DLGAP1: variants seen among roughly 807,000 people sequenced by gnomAD.
DLGAP1 encodes DLG associated protein 1, also known as disks large-associated protein 1.
DLGAP1 carries 11 observed loss-of-function variants against 90.8 expected under a neutral mutation model. That is an observed-to-expected ratio of 0.12 (90% confidence interval 0.08 to 0.20). The LOEUF is 0.20. Ranked by LOEUF, DLGAP1 falls within the 10% of genes least tolerant of loss-of-function variation. The pLI, the probability that DLGAP1 is intolerant of heterozygous loss-of-function variation, is 1.00. For missense variants in DLGAP1, 1,050 were observed against 1,333.8 expected (o/e 0.79, Z 3.31); for synonymous variants, 558 against 540.7 (o/e 1.03, Z -0.44).
chr18:4,407,347 A>G (rs1415231720), intron 1 of DLGAP1, among the ~76,000 whole-genome samples: 2 of 152,214 alleles, frequency 1.3e-5, no homozygotes, highest in East Asian at 3.8e-4. Flanking sequence ...GGTAAATTAA[A>G]TAAGTTCTAG....
chr18:4,344,715 T>C (rs2081271004), intron 1 of DLGAP1, among the ~76,000 whole-genome samples: 1 of 152,200 alleles, frequency 6.6e-6, no homozygotes, highest in Non-Finnish European at 1.5e-5. Flanking sequence ...CCAAGAGTCA[T>C]GGCCAAAAGG....
intron 2 of DLGAP1, among the ~76,000 whole-genome samples, chr18:4,036,128 T>C (rs2074885031): frequency 6.6e-6 from 1 of 152,164 alleles, no homozygotes; most frequent in Non-Finnish European, 1.5e-5. Flanking sequence ...TATGACAGCT[T>C]TTAATGATGT....
chr18:3,860,098 C>CAAAAAAAAAAAAAAAA (rs1169488386), intron 4 of DLGAP1, among the ~76,000 whole-genome samples: 2 of 104,962 alleles, frequency 1.9e-5, no homozygotes, highest in Non-Finnish European at 4.0e-5. Context: ...GACTCTGTCT[C>CAAAAAAAAAAAAAAAA]AAAAAATAAA....
chr18:4,055,764 T>A (rs553696699), intron 2 of DLGAP1, among the ~76,000 whole-genome samples: 1 of 152,136 alleles, frequency 6.6e-6, no homozygotes, highest in Admixed American at 6.5e-5. Context: ...GAGATGTGTG[T>A]GGGCCACCCC....
rs1378330205 is a variant in DLGAP1 at position 4,162,356 on chromosome 18, C to A, written c.-266-11069G>T. 2.6e-5 allele frequency among the ~76,000 whole-genome samples: 4 copies of A among 152,120 alleles called. 1 individual carries two copies. The highest frequency in any genetic ancestry group is 9.7e-5 in the African/African-American group (4 of 41,410). On this transcript the variant is annotated intron_variant, in intron 1 of 12. Transcript: ENST00000315677. ...CAATGGAGAGATGATAAGATAGGGTCTCTCTGCTCTCAAGGAGCTTAAGGA... is the reference window on the plus strand; with the variant it reads ...CAATGGAGAGATGATAAGATAGGGTATCTCTGCTCTCAAGGAGCTTAAGGA...
chr18:4,252,804 C>T (rs574584999), intron 1 of DLGAP1, among the ~76,000 whole-genome samples: 33 of 152,226 alleles, frequency 2.2e-4, no homozygotes, highest in South Asian at 4.1e-4. Context: ...TTTATCGCCA[C>T]AGAGCTGAAC....
intron 1 of DLGAP1, among the ~76,000 whole-genome samples, chr18:4,372,482 A>T (rs368670101): frequency 5.3e-5 from 8 of 152,358 alleles, no homozygotes; most frequent in African/African-American, 1.9e-4. Flanking sequence ...CACAGCATGT[A>T]AAGAGGAATA....
chr18:4,061,448 T>C (rs1568375279), intron 2 of DLGAP1, among the ~76,000 whole-genome samples: 3 of 152,178 alleles, frequency 2.0e-5, no homozygotes, highest in Non-Finnish European at 4.4e-5. Flanking sequence ...TACCCATAAA[T>C]TGAACATTGG....
At chr18:3,917,633 A>C (rs948285021) in intron 3 of DLGAP1, among the ~76,000 whole-genome samples, 1 of 152,230 alleles carries the variant, frequency 6.6e-6, no homozygotes, top group Non-Finnish European at 1.5e-5. Flanking sequence ...GCTCTATTCA[A>C]CCATCATTTG....
intron 5 of DLGAP1, among the ~76,000 whole-genome samples, chr18:3,789,467 T>C (rs1231645081): frequency 1.3e-5 from 2 of 152,090 alleles, no homozygotes; most frequent in Non-Finnish European, 2.9e-5. Flanking sequence ...AAGCAGATAA[T>C]AGATGAATCT....
chr18:3,758,421 A>G (rs1256988030), intron 5 of DLGAP1, among the ~76,000 whole-genome samples: 1 of 152,210 alleles, frequency 6.6e-6, no homozygotes, highest in Non-Finnish European at 1.5e-5. Flanking sequence ...TTCAGTTTAC[A>G]GTGAATCTCT....
chr18:4,318,288 A>G (rs943836119), intron 1 of DLGAP1, among the ~76,000 whole-genome samples: 2 of 152,222 alleles, frequency 1.3e-5, no homozygotes. Flanking sequence ...CATAGCTTGA[A>G]AGAAAATTCA....
intron 5 of DLGAP1, among the ~76,000 whole-genome samples, chr18:3,750,471 T>G (rs1342476180): frequency 6.6e-6 from 1 of 152,190 alleles, no homozygotes; most frequent in Non-Finnish European, 1.5e-5. Flanking sequence ...TTATTTTCCT[T>G]TGGATATCTA....
At chr18:3,688,688 A>C (rs893823517) in intron 7 of DLGAP1, among the ~76,000 whole-genome samples, 1 of 150,618 alleles carries the variant, frequency 6.6e-6, no homozygotes, top group Non-Finnish European at 1.5e-5. Flanking sequence ...AATAAGAAAC[A>C]AAACTTGAAG....
intron 7 of DLGAP1, among the ~76,000 whole-genome samples, chr18:3,691,214 G>C (rs553050573): frequency 6.6e-6 from 1 of 152,194 alleles, no homozygotes; most frequent in East Asian, 1.9e-4. Flanking sequence ...TTTGGGAGGT[G>C]GAGGCGGGTG....
rs2053336823 is a variant in DLGAP1, at chr18:3,550,628, A to C, written c.2058-16013T>G. On this transcript the variant is annotated intron_variant, in intron 9 of 12. Transcript: ENST00000315677. ...GAGATTAGGACACAGACACACACAGAGGAGAGACGACATGAAGACACAGGG... is the reference window on the plus strand; with the variant it reads ...GAGATTAGGACACAGACACACACAGCGGAGAGACGACATGAAGACACAGGG... Among the ~76,000 whole-genome samples, 3 of 151,896 alleles carry C rather than the reference A, an allele frequency of 2.0e-5. No homozygotes were observed. In the South Asian group the frequency reaches 6.2e-4, roughly 32 times the overall value.
intron 7 of DLGAP1, among the ~76,000 whole-genome samples, chr18:3,666,403 G>C (rs1598267048): frequency 1.3e-5 from 2 of 152,122 alleles, no homozygotes; most frequent in African/African-American, 4.8e-5. Context: ...AATGTTCTTA[G>C]TCAAAGCCAG....
At chr18:4,108,123 T>G (rs11875090) in intron 2 of DLGAP1, among the ~76,000 whole-genome samples, 2,377 of 152,248 alleles carry the variant, frequency 0.016, 56 homozygotes, top group African/African-American at 0.054. Context: ...AAGCTAGAAT[T>G]CCCTTCATAC....
intron 1 of DLGAP1, among the ~76,000 whole-genome samples, chr18:4,432,822 A>T (rs2144764545): frequency 6.6e-6 from 1 of 152,224 alleles, no homozygotes; most frequent in Non-Finnish European, 1.5e-5. Flanking sequence ...TTCTATAAAG[A>T]TCTAAGCCTT....
Sources: gnomAD v4.1 joint callset for allele counts (sites outside exome capture counted in the v4.1 genomes callset) on GRCh38, gnomAD v4.1.1 for gene constraint, MANE v1.5 for transcripts, NCBI Gene and HGNC (gene_info 2026-07-23, HGNC 2026-07-21) for gene names.